The following INPP4B variants were observed in gnomAD, a reference collection of about 807,000 sequenced individuals.
INPP4B encodes the protein inositol polyphosphate-4-phosphatase type II B.
In INPP4B, 55 loss-of-function variants were observed where a neutral mutation model predicts 122.5. The observed-to-expected ratio is 0.45, with a 90% CI of 0.36 to 0.56. INPP4B has a LOEUF of 0.56. Ranked by LOEUF, INPP4B falls within the 20% of genes least tolerant of loss-of-function variation. The probability of loss-of-function intolerance (pLI) is 0.00; values close to 1 mark genes in which losing one functional copy is unlikely to be tolerated. For synonymous variants in INPP4B, 403 were observed against 388.7 expected, an observed-to-expected ratio of 1.04 and a Z score of -0.43; for missense variants, 1,000 against 1,097.7, an observed-to-expected ratio of 0.91 and a Z score of 1.26.
At chr4:142,671,786 T>A (rs1757036461) in intron 2 of INPP4B, among the ~76,000 whole-genome samples, 5 of 152,188 alleles carry the variant, frequency 3.3e-5, no homozygotes, top group Admixed American at 3.3e-4. Flanking sequence ...GTAATTTACA[T>A]ACTGTAAAAT....
At chr4:142,427,133 C>G (rs1360361605) in intron 5 of INPP4B, 4 of 165,064 alleles carry the variant, frequency 2.4e-5, no homozygotes, top group African/African-American at 9.5e-5. Context: ...GTAAAACATC[C>G]ACGGGTTTAT....
rs543814083 is a variant in INPP4B at position 142,034,660 on chromosome 4, G to A, written c.2643-5746C>T. Among the ~76,000 whole-genome samples the A allele has an allele frequency of 1.2e-4, 18 of 152,006 alleles. No homozygotes were observed. In the East Asian group the frequency reaches 2.5e-3, roughly 21 times the overall value. On this transcript the variant is annotated intron_variant, in intron 25 of 25. Transcript: ENST00000262992. ...CTTCATACACATCAAGAGTCACACC[G>A]GACCCCTTCCCTTGTATCCAGACCA...
chr4:142,739,752 A>G (rs1181501205), intron 1 of INPP4B, among the ~76,000 whole-genome samples: 1 of 152,040 alleles, frequency 6.6e-6, no homozygotes, highest in Admixed American at 6.6e-5. Context: ...AAAGCAATGA[A>G]AGAAAAAATA....
chr4:142,770,215 A>G (rs1419114360), intron 1 of INPP4B, among the ~76,000 whole-genome samples: 1 of 152,196 alleles, frequency 6.6e-6, no homozygotes, highest in Non-Finnish European at 1.5e-5. Flanking sequence ...CTTGGTCACA[A>G]GAGTTTGCCA....
At chr4:142,692,475 A>T (rs528218978) in intron 2 of INPP4B, among the ~76,000 whole-genome samples, 39 of 152,328 alleles carry the variant, frequency 2.6e-4, no homozygotes, top group Admixed American at 3.9e-4. Context: ...CCTAGACGGG[A>T]GGATCGCTTG....
At chr4:142,634,206 A>T (rs1380166891) in intron 2 of INPP4B, among the ~76,000 whole-genome samples, 1 of 152,192 alleles carries the variant, frequency 6.6e-6, no homozygotes, top group East Asian at 1.9e-4. Flanking sequence ...AATTAGACCC[A>T]TAATAAAAAC....
intron 12 of INPP4B, among the ~76,000 whole-genome samples, chr4:142,212,871 C>T (rs2627805): frequency 0.91 from 138,321 of 152,230 alleles, 63,085 homozygotes; most frequent in East Asian, 0.96. Context: ...AATATAGCAT[C>T]CTACATCAGT....
intron 2 of INPP4B, among the ~76,000 whole-genome samples, chr4:142,471,852 G>A (rs115606331): frequency 0.017 from 2,583 of 151,478 alleles, 36 homozygotes; most frequent in Non-Finnish European, 0.029. Context: ...GCCTTCACCA[G>A]CCCCTTCCTC....
chr4:142,823,681 T>A (rs1229228328), intron 1 of INPP4B, among the ~76,000 whole-genome samples: 2 of 152,162 alleles, frequency 1.3e-5, no homozygotes, highest in African/African-American at 4.8e-5. Context: ...AAGTATGCTG[T>A]CTTTAGGACA....
intron 12 of INPP4B, among the ~76,000 whole-genome samples, chr4:142,212,471 G>A (rs1175569581): frequency 1.3e-5 from 2 of 152,168 alleles, no homozygotes; most frequent in Non-Finnish European, 2.9e-5. Flanking sequence ...AGTCTTGCTT[G>A]CTGCAATTTC....
chr4:142,044,818 T>A (rs2152352945), intron 25 of INPP4B, among the ~76,000 whole-genome samples: 1 of 152,298 alleles, frequency 6.6e-6, no homozygotes, highest in African/African-American at 2.4e-5. Flanking sequence ...ATACAATAGA[T>A]AAGTTTCACT....
At chr4:142,152,975 A>G (rs1037482579) in intron 17 of INPP4B, among the ~76,000 whole-genome samples, 2 of 152,230 alleles carry the variant, frequency 1.3e-5, no homozygotes, top group Admixed American at 6.5e-5. Flanking sequence ...GTAGTAAAAA[A>G]AAACTATACT....
intron 1 of INPP4B, among the ~76,000 whole-genome samples, chr4:142,844,738 T>C (rs1396556950): frequency 6.6e-6 from 1 of 152,264 alleles, no homozygotes; most frequent in Admixed American, 6.5e-5. Context: ...GATGATTCCT[T>C]GCACCTTATG....
At chr4:142,717,374 CA>C (rs986153190) in intron 2 of INPP4B, among the ~76,000 whole-genome samples, 7 of 151,992 alleles carry the variant, frequency 4.6e-5, no homozygotes, top group African/African-American at 1.7e-4. Context: ...CTTTCTTTCC[CA>C]GTTTTGCAGA....
intron 1 of INPP4B, among the ~76,000 whole-genome samples, chr4:142,739,819 C>T (rs1000165240): frequency 3.3e-5 from 5 of 151,940 alleles, no homozygotes; most frequent in South Asian, 2.1e-4. Flanking sequence ...ATTTAAGAAA[C>T]GCTACAAGCA....
intron 3 of INPP4B, among the ~76,000 whole-genome samples, chr4:142,441,132 T>C (rs909855672): frequency 9.2e-5 from 14 of 152,128 alleles, no homozygotes; most frequent in African/African-American, 3.1e-4. Context: ...GAGAGTGACA[T>C]GATCATACGT....
rs1018756352 is a variant in INPP4B, at chr4:142,543,489, T to G, written c.-190-80763A>C. 4.6e-5 allele frequency among the ~76,000 whole-genome samples: 7 copies of G among 152,318 alleles called. No homozygotes were observed. The South Asian group carries it at 1.4e-3, about 32-fold the overall frequency. ...ACGAAACTTTACTTTCTGACGGAGC[T>G]AAATCCATTAGTAAAATTTCAAACT... On this transcript the variant is annotated intron_variant, in intron 2 of 25. Coordinates refer to ENST00000262992, the MANE Select transcript of INPP4B (RefSeq NM_001101669.3).
At chr4:142,819,398 C>T (rs1342292065) in intron 1 of INPP4B, among the ~76,000 whole-genome samples, 1 of 152,064 alleles carries the variant, frequency 6.6e-6, no homozygotes, top group Non-Finnish European at 1.5e-5. Context: ...GTCTAATTCA[C>T]ATCTGAGTCA....
intron 2 of INPP4B, among the ~76,000 whole-genome samples, chr4:142,515,374 T>C (rs866053626): frequency 2.6e-5 from 4 of 152,168 alleles, no homozygotes; most frequent in Admixed American, 1.3e-4. Flanking sequence ...GAAAACGAAA[T>C]GCTGATCGTC....
Sources: gnomAD v4.1 joint callset for allele counts (sites outside exome capture counted in the v4.1 genomes callset) on GRCh38, gnomAD v4.1.1 for gene constraint, MANE v1.5 for transcripts, NCBI Gene and HGNC (gene_info 2026-07-23, HGNC 2026-07-21) for gene names.